The following NLGN4X variants were observed in gnomAD, a reference collection of about 807,000 sequenced individuals.
The protein encoded by NLGN4X is neuroligin 4 X-linked, also known as neuroligin-4, X-linked.
Under a neutral mutation model 40.3 loss-of-function variants are expected in NLGN4X, and 3 were observed. The ratio of observed to expected loss-of-function variants is 0.07; its 90% CI spans 0.03 to 0.19. The LOEUF is 0.19. NLGN4X is among the 10% of genes least tolerant of loss of function. The pLI is 1.00. For synonymous variants in NLGN4X, 270 were observed against 306.8 expected (o/e 0.88, Z 1.25); for missense variants, 382 against 708.3 (o/e 0.54, Z 5.23).
intron 3 of NLGN4X, among the ~76,000 whole-genome samples, chrX:5,966,504 C>T (rs960727502): frequency 1.6e-4 from 18 of 112,219 alleles, no homozygotes; most frequent in Non-Finnish European, 3.8e-5. Context: ...TTATGCTAAG[C>T]GCATATGTAG....
intron 3 of NLGN4X, among the ~76,000 whole-genome samples, chrX:6,010,078 G>C (rs2036208240): frequency 8.9e-6 from 1 of 112,158 alleles, no homozygotes; most frequent in African/African-American, 3.2e-5. Flanking sequence ...ATGAATAAGA[G>C]GTTAGAATGT....
intron 2 of NLGN4X, among the ~76,000 whole-genome samples, chrX:6,085,036 C>T (rs1374484147): frequency 1.8e-5 from 2 of 109,407 alleles, no homozygotes; most frequent in African/African-American, 3.3e-5. Context: ...GCTAGCAGTG[C>T]TATGGGACAC....
At chrX:5,934,674 C>A (rs1452607471) in intron 3 of NLGN4X, among the ~76,000 whole-genome samples, 1 of 111,911 alleles carries the variant, frequency 8.9e-6, no homozygotes, top group Non-Finnish European at 1.9e-5. Context: ...ACCTACAGAT[C>A]CCTGATGTAA....
intron 1 of NLGN4X, among the ~76,000 whole-genome samples, chrX:6,175,071 T>C (rs1301439060): frequency 9.0e-6 from 1 of 111,689 alleles, no homozygotes; most frequent in African/African-American, 3.3e-5. Context: ...TGTGACATGA[T>C]TTTCCGTGAC....
rs1417822849 is a variant in NLGN4X, at chrX:6,027,819, A to ATT, written c.625+1459_625+1460dup. The stretch of plus-strand genomic sequence containing the variant: ...TAATTAATTTATTACTAGTATTATT[A>ATT]TTATTTTTTTTTTTTTGAGAAAAGT... On this transcript the variant is annotated intron_variant, in intron 3 of 5. Transcript: ENST00000381095. Among the ~76,000 whole-genome samples the ATT allele has an allele frequency of 1.8e-4, 15 of 82,771 alleles. No individual in the cohort carries two copies. The East Asian group carries it at 7.8e-3, about 43-fold the overall frequency. 71.9% of individuals were successfully genotyped at this position (82,771 alleles called of 115,157 possible). A position where few individuals can be genotyped will look rare whatever the true frequency, so the allele number is the denominator to read the frequency against.
chrX:6,198,618 C>A (rs145518020), intron 1 of NLGN4X, among the ~76,000 whole-genome samples: 1 of 111,815 alleles, frequency 8.9e-6, no homozygotes, highest in Non-Finnish European at 1.9e-5. Context: ...AGCTCCTATA[C>A]TGGTGATACA....
intron 3 of NLGN4X, among the ~76,000 whole-genome samples, chrX:5,999,452 C>T (rs907905751): frequency 4.5e-5 from 5 of 112,121 alleles, no homozygotes; most frequent in African/African-American, 1.3e-4. Context: ...AGTATGATAA[C>T]TTTGGCTTGC....
intron 1 of NLGN4X, among the ~76,000 whole-genome samples, chrX:6,215,893 T>C (rs1438214870): frequency 1.9e-5 from 2 of 102,795 alleles, no homozygotes; most frequent in African/African-American, 3.5e-5. Context: ...TTTTTTTTTT[T>C]TGAGAGAGAG....
At chrX:6,046,027 T>C (rs1352012373) in intron 2 of NLGN4X, among the ~76,000 whole-genome samples, 1 of 111,950 alleles carries the variant, frequency 8.9e-6, no homozygotes, top group Non-Finnish European at 1.9e-5. Flanking sequence ...ACAAAATGAT[T>C]TGTCATATAT....
chrX:6,103,740 T>C (rs1334977365), intron 2 of NLGN4X, among the ~76,000 whole-genome samples: 4 of 111,965 alleles, frequency 3.6e-5, no homozygotes, highest in African/African-American at 1.3e-4. Flanking sequence ...AAACCTGATG[T>C]CAACGCATTG....
At chrX:6,130,176 C>A (rs775501507) in intron 2 of NLGN4X, among the ~76,000 whole-genome samples, 111 of 112,018 alleles carry the variant, frequency 9.9e-4, no homozygotes, top group Non-Finnish European at 1.8e-3. Context: ...GCATCAGCCA[C>A]GAGGCTTGGC....
chrX:6,025,817 G>A (rs1272342826), intron 3 of NLGN4X, among the ~76,000 whole-genome samples: 5 of 107,543 alleles, frequency 4.6e-5, no homozygotes, highest in African/African-American at 1.7e-4. Context: ...GGCAGGAGAA[G>A]CGCTTGGACC....
chrX:6,059,380 G>A (rs1201285612), intron 2 of NLGN4X, among the ~76,000 whole-genome samples: 1 of 111,987 alleles, frequency 8.9e-6, no homozygotes, highest in African/African-American at 3.2e-5. Flanking sequence ...GTCAGCCCAC[G>A]CTGATGATGT....
chrX:6,140,149 C>A (rs1214899161), intron 2 of NLGN4X, among the ~76,000 whole-genome samples: 1 of 111,348 alleles, frequency 9.0e-6, no homozygotes, highest in Non-Finnish European at 1.9e-5. Context: ...ATTTTCATAT[C>A]TTGTTGAAAC....
At chrX:6,194,863 G>A (rs536622047) in intron 1 of NLGN4X, among the ~76,000 whole-genome samples, 3 of 111,855 alleles carry the variant, frequency 2.7e-5, no homozygotes, top group African/African-American at 6.5e-5. Context: ...GTTAAGTAAC[G>A]CAGCTCACTG....
At chrX:5,918,197 CTA>C (rs1439449755) in intron 3 of NLGN4X, among the ~76,000 whole-genome samples, 2 of 109,309 alleles carry the variant, frequency 1.8e-5, no homozygotes, top group Non-Finnish European at 3.8e-5. Flanking sequence ...TTTAATGAGA[CTA>C]TTTTAAAACT....
At chrX:6,121,372 T>C (rs1405348584) in intron 2 of NLGN4X, among the ~76,000 whole-genome samples, 11 of 111,703 alleles carry the variant, frequency 9.8e-5, no homozygotes. Flanking sequence ...CATTATGACA[T>C]GGAAGGAGGG....
At position 6,151,115 on chromosome X, in the gene NLGN4X, A is replaced by T. The variant is rs764752836; in HGVS notation, c.352T>A (p.Ser118Thr). 1.7e-6 allele frequency: 2 copies of T among 1,211,455 alleles called. No homozygotes were observed. Among genetic ancestry groups the T allele is most frequent in the Non-Finnish European group, 2.2e-6 (2 of 895,255 alleles). ...ATGGGCAGCATGTCATGCAGTAAGG[A>T]TCTCTCATCCAGGTGCTGGGGGCAC... ...AVCPQHLDERSLLHDMLPIWF... is the reference protein window; with the variant it reads ...AVCPQHLDERTLLHDMLPIWF... The change falls in exon 2 of 6, where the codon TCC becomes ACC. Residue 118 changes from serine (S) to threonine (T), a missense_variant. By Grantham distance (58) the Ser-to-Thr change is moderately conservative (BLOSUM62 1). This residue lies in a region of NLGN4X where 115 missense variants were observed against 149.6 expected (regional missense o/e 0.77). Coordinates refer to ENST00000381095, the MANE Select transcript of NLGN4X (RefSeq NM_181332.3).
intron 1 of NLGN4X, among the ~76,000 whole-genome samples, chrX:6,184,238 C>T (rs1470944291): frequency 8.9e-6 from 1 of 112,137 alleles, no homozygotes; most frequent in Admixed American, 9.5e-5. Flanking sequence ...AGTGAAGACA[C>T]ATATCACTGG....
Sources: allele counts gnomAD v4.1 joint callset (sites outside exome capture counted in the v4.1 genomes callset), GRCh38; gene constraint gnomAD v4.1.1; regional missense constraint gnomAD v4.1.1; transcripts MANE v1.5; gene names NCBI Gene and HGNC (gene_info 2026-07-23, HGNC 2026-07-21).